The following NCKAP5 variants were observed in gnomAD, a reference collection of about 807,000 sequenced individuals.
NCKAP5 encodes the protein nck-associated protein 5.
In NCKAP5, 92 loss-of-function variants were observed where a neutral mutation model predicts 167.0. The observed-to-expected ratio is 0.55, with a 90% CI of 0.47 to 0.66. The LOEUF (loss-of-function observed/expected upper bound fraction) is 0.66, where lower values mean the gene tolerates loss of function less well. Among genes scored for constraint, NCKAP5 ranks in the 30% least tolerant of loss-of-function variants. The pLI is 0.00. For synonymous variants in NCKAP5, 891 were observed against 877.4 expected (o/e 1.02, Z -0.27); for missense variants, 2,378 against 2,315.0 (o/e 1.03, Z -0.56).
At chr2:132,796,851 A>G (rs1354120869) in intron 11 of NCKAP5, 122 bp from the exon 12 acceptor site, 2 of 668,886 alleles carry the variant, frequency 3.0e-6, no homozygotes, top group Non-Finnish European at 5.0e-6. Flanking sequence ...ACATGTCCTA[A>G]TTAAAAAAAG....
chr2:133,586,591 A>T, the NCKAP5 span, among the ~76,000 whole-genome samples: 2 of 152,168 alleles, frequency 1.3e-5, no homozygotes, highest in African/African-American at 4.8e-5. Flanking sequence ...CTTCACATAG[A>T]TGTGAAGCAC....
At chr2:132,707,016 G>A (rs540156856) in intron 19 of NCKAP5, among the ~76,000 whole-genome samples, 252 of 152,302 alleles carry the variant, frequency 1.7e-3, no homozygotes, top group African/African-American at 4.6e-3. Flanking sequence ...ACACCGAATT[G>A]AACAATAATC....
At chr2:133,570,968 G>A (rs963954365), upstream of NCKAP5, among the ~76,000 whole-genome samples, 22 of 152,098 alleles carry the variant, frequency 1.4e-4, no homozygotes, top group African/African-American at 4.3e-4. Context: ...GTAGAAACTC[G>A]AAGGCATAAG....
In NCKAP5 at chr2:132,806,646, G is replaced by A. The variant is rs1685463074; in HGVS notation, c.808-9917C>T. Among the ~76,000 whole-genome samples, 2 of 152,034 alleles carry A rather than the reference G, an allele frequency of 1.3e-5. 1 individual carries two copies. The highest frequency in any genetic ancestry group is 4.2e-4 in the South Asian group (2 of 4,818). ...GTTTTTTTCTTACTGATTTATTTGAGTTCATTGTAGATTCAGGATATTAGT... is the reference window on the plus strand; with the variant it reads ...GTTTTTTTCTTACTGATTTATTTGAATTCATTGTAGATTCAGGATATTAGT... On this transcript the variant is annotated intron_variant, in intron 11 of 19. Transcript: ENST00000409261.
chr2:133,439,737 T>C (rs1184938800), intron 3 of NCKAP5, among the ~76,000 whole-genome samples: 1 of 152,228 alleles, frequency 6.6e-6, no homozygotes, highest in Non-Finnish European at 1.5e-5. Context: ...ATGTCTCATC[T>C]AGGCCTACCC....
chr2:133,133,361 A>C (rs534097435), intron 5 of NCKAP5, among the ~76,000 whole-genome samples: 2 of 152,304 alleles, frequency 1.3e-5, no homozygotes, highest in African/African-American at 4.8e-5. Context: ...AAAGCTCCTC[A>C]ATCACCACCT....
intron 8 of NCKAP5, among the ~76,000 whole-genome samples, chr2:132,923,923 A>G (rs1167745381): frequency 6.6e-6 from 1 of 152,190 alleles, no homozygotes; most frequent in Non-Finnish European, 1.5e-5. Context: ...CCATATTTGG[A>G]TAGGATCTGA....
intron 3 of NCKAP5, among the ~76,000 whole-genome samples, chr2:133,463,406 T>A (rs774972659): frequency 2.2e-4 from 34 of 152,244 alleles, no homozygotes; most frequent in Non-Finnish European, 4.6e-4. Context: ...AAAACTATAT[T>A]TGTAAATCCA....
At chr2:133,212,404 G>A (rs1181332185) in intron 5 of NCKAP5, among the ~76,000 whole-genome samples, 1 of 152,138 alleles carries the variant, frequency 6.6e-6, no homozygotes, top group Non-Finnish European at 1.5e-5. Flanking sequence ...GTTTTTGGGA[G>A]ACAGGGTCTT....
chr2:133,115,789 A>G (rs1225733983), intron 6 of NCKAP5, among the ~76,000 whole-genome samples: 1,832 of 99,554 alleles, frequency 0.018, 53 homozygotes, highest in African/African-American at 0.053. Flanking sequence ...ATATATATAT[A>G]TATATATATA....
rs560289555 is a variant in NCKAP5, at chr2:132,978,854, C to T, written c.430-14985G>A. Among the ~76,000 whole-genome samples the T allele has an allele frequency of 3.9e-5, 6 of 152,332 alleles. No homozygotes were observed. In the South Asian group the frequency reaches 1.2e-3, roughly 32 times the overall value. On this transcript the variant is annotated intron_variant, in intron 7 of 19. Transcript: ENST00000409261. ...TGAAGCATTCTGGCAATAACTCCCA[C>T]TAAGCTGTAAGGATGCTGCCTGGTT...
At chr2:132,909,205 G>A (rs777551057) in intron 8 of NCKAP5, among the ~76,000 whole-genome samples, 1 of 152,126 alleles carries the variant, frequency 6.6e-6, no homozygotes, top group Non-Finnish European at 1.5e-5. Flanking sequence ...AATTAGCTAC[G>A]TGTGGTGGCG....
At chr2:133,649,031 A>T in the NCKAP5 span, among the ~76,000 whole-genome samples, 1 of 151,954 alleles carries the variant, frequency 6.6e-6, no homozygotes, top group Non-Finnish European at 1.5e-5. Context: ...ACTCAAATAC[A>T]TAAAATCAAA....
At chr2:132,964,183 C>T (rs2076596075) in intron 7 of NCKAP5, among the ~76,000 whole-genome samples, 3 of 152,168 alleles carry the variant, frequency 2.0e-5, no homozygotes. Flanking sequence ...TGAAACTCAG[C>T]TATACTGCAA....
At chr2:133,396,368 A>G (rs1687731404) in intron 3 of NCKAP5, among the ~76,000 whole-genome samples, 1 of 152,062 alleles carries the variant, frequency 6.6e-6, no homozygotes. Context: ...TTTTCACCAA[A>G]CAAGAATGAC....
chr2:132,968,642 G>A (rs184448101), intron 7 of NCKAP5, among the ~76,000 whole-genome samples: 1 of 152,250 alleles, frequency 6.6e-6, no homozygotes, highest in East Asian at 1.9e-4. Flanking sequence ...ACAGAAAAAA[G>A]CACCTCTACA....
intron 7 of NCKAP5, among the ~76,000 whole-genome samples, chr2:132,969,643 A>T (rs907154427): frequency 6.6e-6 from 1 of 151,742 alleles, no homozygotes; most frequent in African/African-American, 2.4e-5. Flanking sequence ...GTAGTTCTCA[A>T]GTAAAAGTGC....
intron 5 of NCKAP5, among the ~76,000 whole-genome samples, chr2:133,194,721 T>A: frequency 6.6e-6 from 1 of 151,770 alleles, no homozygotes; most frequent in East Asian, 1.9e-4. Context: ...TTTATATAAC[T>A]AAATATTGGT....
At chr2:133,461,873 A>C (rs965392487) in intron 3 of NCKAP5, among the ~76,000 whole-genome samples, 6 of 150,310 alleles carry the variant, frequency 4.0e-5, no homozygotes, top group Admixed American at 1.3e-4. Context: ...GGATATGCCT[A>C]ATATTTCCAA....
Sources: gnomAD v4.1 joint callset for allele counts (sites outside exome capture counted in the v4.1 genomes callset) on GRCh38, gnomAD v4.1.1 for gene constraint, MANE v1.5 for transcripts, NCBI Gene and HGNC (gene_info 2026-07-23, HGNC 2026-07-21) for gene names.